The following RANBP2 variants were observed in gnomAD, a reference collection of about 807,000 sequenced individuals.
RANBP2 encodes E3 SUMO-protein ligase RanBP2.
RANBP2 carries 57 observed loss-of-function variants against 303.6 expected under a neutral mutation model. The observed-to-expected ratio is 0.19, with a 90% CI of 0.15 to 0.23. RANBP2 has a LOEUF of 0.23. Ranked by LOEUF, RANBP2 falls within the 10% of genes least tolerant of loss-of-function variation. The pLI, the probability that RANBP2 is intolerant of heterozygous loss-of-function variation, is 1.00. For synonymous variants in RANBP2, 1,167 were observed against 1,301.5 expected (o/e 0.90, Z 2.23); for missense variants, 3,138 against 3,780.8 (o/e 0.83, Z 4.46).
chr2:108,870,355 A>T, the RANBP2 span, among the ~76,000 whole-genome samples: 9 of 152,218 alleles, frequency 5.9e-5, no homozygotes, highest in Non-Finnish European at 1.3e-4. Flanking sequence ...CAGAGTCTGA[A>T]GGACTTACGC....
At chr2:109,706,038 C>G in the RANBP2 span, among the ~76,000 whole-genome samples, 1 of 152,066 alleles carries the variant, frequency 6.6e-6, no homozygotes, top group Non-Finnish European at 1.5e-5. Flanking sequence ...GATTCATGCC[C>G]CACCTATTAG....
At position 108,753,498 on chromosome 2, in the gene RANBP2, A is replaced by G. The variant is rs746730990; in HGVS notation, c.1990A>G (p.Ile664Val). The G allele has an allele frequency of 1.9e-6, 3 of 1,611,830 alleles. No homozygotes were observed. The highest frequency in any genetic ancestry group is 2.2e-5 in the South Asian group (2 of 90,976). ...TATATTGGATGCAGTAAATGGAAAT[A>G]TAGAAGATGCTGTGACTGCTTTTGA... ...FAILDAVNGNIEDAVTAFESI... is the reference protein window; with the variant it reads ...FAILDAVNGNVEDAVTAFESI... The change falls in exon 14 of 29, where the codon ATA becomes GTA. Residue 664 changes from isoleucine to valine, a missense_variant. Physicochemically the swap from Ile to Val is conservative, Grantham distance 29 (BLOSUM62 3). Around this residue, in one of 20 missense-constraint regions of RANBP2, gnomAD observed 162 missense variants for 286.9 expected, o/e 0.56. Coordinates refer to ENST00000283195, the MANE Select transcript of RANBP2 (RefSeq NM_006267.5).
At chr2:109,108,467 C>T in the RANBP2 span, among the ~76,000 whole-genome samples, 1 of 152,198 alleles carries the variant, frequency 6.6e-6, no homozygotes, top group East Asian at 1.9e-4. Flanking sequence ...AGAAGCAAGC[C>T]CACCATGAAT....
the RANBP2 span, among the ~76,000 whole-genome samples, chr2:109,626,385 C>T: frequency 2.0e-3 from 297 of 152,276 alleles, no homozygotes; most frequent in Middle Eastern, 3.4e-3. Context: ...AGGAGAATCA[C>T]TTGAACCCAG....
intron 20 of RANBP2, 27 bp downstream of exon 20, chr2:108,768,415 C>T: frequency 1.2e-6 from 2 of 1,609,184 alleles, no homozygotes; most frequent in Non-Finnish European, 8.5e-7. Flanking sequence ...TAAAGTTAAG[C>T]ACAATTTTTC....
the RANBP2 span, among the ~76,000 whole-genome samples, chr2:109,460,513 A>G: frequency 9.2e-5 from 14 of 152,174 alleles, no homozygotes; most frequent in African/African-American, 3.1e-4. Context: ...CACTCTGTTC[A>G]TGGGTCCACT....
At chr2:108,878,567 G>A in the RANBP2 span, 5 of 196,788 alleles carry the variant, frequency 2.5e-5, no homozygotes, top group South Asian at 4.0e-4. Flanking sequence ...AGTCAGATAT[G>A]TTTTATCGGG....
At chr2:108,881,872 G>A in the RANBP2 span, among the ~76,000 whole-genome samples, 5 of 152,214 alleles carry the variant, frequency 3.3e-5, no homozygotes, top group African/African-American at 9.6e-5. Flanking sequence ...GGCCAGGCAC[G>A]ATGGCTCACT....
At chr2:109,606,642 TAA>T in the RANBP2 span, among the ~76,000 whole-genome samples, 3 of 137,272 alleles carry the variant, frequency 2.2e-5, no homozygotes, top group Admixed American at 8.0e-5. Context: ...TCCCTTTTAT[TAA>T]AAAAAAAATT....
At chr2:108,780,264 C>T (rs1678151912) in intron 25 of RANBP2, among the ~76,000 whole-genome samples, 5 of 145,796 alleles carry the variant, frequency 3.4e-5, no homozygotes, top group South Asian at 2.1e-4. Flanking sequence ...ACGATCTCTG[C>T]TCATTGCAAC....
the RANBP2 span, among the ~76,000 whole-genome samples, chr2:109,705,234 A>G: frequency 6.6e-6 from 1 of 151,990 alleles, no homozygotes; most frequent in Non-Finnish European, 1.5e-5. Context: ...GAGAAACCCC[A>G]TCTCTACTAA....
chr2:109,516,860 G>A, the RANBP2 span, among the ~76,000 whole-genome samples: 207 of 152,330 alleles, frequency 1.4e-3, 1 homozygote, highest in African/African-American at 4.2e-3. Flanking sequence ...TTAGTGCAAA[G>A]AATGGTTAAA....
At chr2:109,238,452 TGTGTG>T in the RANBP2 span, among the ~76,000 whole-genome samples, 1 of 956 alleles carries the variant, frequency 1.0e-3, no homozygotes, top group Admixed American at 0.014. Flanking sequence ...TGTATATTTG[TGTGTG>T]TGTGTGTGTG....
the RANBP2 span, among the ~76,000 whole-genome samples, chr2:109,384,328 C>T: frequency 5.3e-5 from 8 of 152,122 alleles, no homozygotes; most frequent in African/African-American, 1.9e-4. Flanking sequence ...AAAGTAACAC[C>T]AGGAGAGGAG....
the RANBP2 span, among the ~76,000 whole-genome samples, chr2:109,602,807 C>T: frequency 6.9e-6 from 1 of 145,014 alleles, no homozygotes; most frequent in Non-Finnish European, 1.5e-5. Flanking sequence ...CCAGGAAAAG[C>T]AAATGAGAGA....
the RANBP2 span, among the ~76,000 whole-genome samples, chr2:109,149,049 C>G: frequency 9.2e-5 from 14 of 152,186 alleles, no homozygotes; most frequent in Admixed American, 3.9e-4. Flanking sequence ...TTCATTTGCT[C>G]TTTCCTTCCT....
At chr2:109,269,211 G>A in the RANBP2 span, among the ~76,000 whole-genome samples, 1 of 152,226 alleles carries the variant, frequency 6.6e-6, no homozygotes, top group Non-Finnish European at 1.5e-5. Context: ...CGCCCTGGGA[G>A]CAGCTACTGT....
At chr2:109,071,335 C>T in the RANBP2 span, among the ~76,000 whole-genome samples, 1 of 152,154 alleles carries the variant, frequency 6.6e-6, no homozygotes, top group African/African-American at 2.4e-5. Context: ...TGCATGCAAT[C>T]AACAATTCTG....
the RANBP2 span, among the ~76,000 whole-genome samples, chr2:108,856,230 A>G: frequency 6.6e-6 from 1 of 152,188 alleles, no homozygotes; most frequent in African/African-American, 2.4e-5. Flanking sequence ...CCTGGGTAAA[A>G]TCTTGCTGCC....
Sources: gnomAD v4.1 joint callset for allele counts (sites outside exome capture counted in the v4.1 genomes callset) on GRCh38, gnomAD v4.1.1 for gene constraint, gnomAD v4.1.1 regional missense constraint, MANE v1.5 for transcripts, NCBI Gene and HGNC (gene_info 2026-07-23, HGNC 2026-07-21) for gene names.